POPDC1: variants seen among roughly 807,000 people sequenced by gnomAD.
POPDC1 encodes popeye domain cAMP effector 1.
chr6:105,129,450 T>C, the POPDC1 span: 27 of 1,612,904 alleles, frequency 1.7e-5, no homozygotes, highest in Admixed American at 5.0e-5. Context: ...TTCCAGATCA[T>C]TATATCCAAG....
chr6:105,101,697 C>T, the POPDC1 span, among the ~76,000 whole-genome samples: 2 of 152,162 alleles, frequency 1.3e-5, no homozygotes, highest in Admixed American at 1.3e-4. Context: ...GGAGTCCAGC[C>T]ACCCACTGGG....
At chr6:105,123,361 A>T in the POPDC1 span, among the ~76,000 whole-genome samples, 1 of 152,182 alleles carries the variant, frequency 6.6e-6, no homozygotes. Flanking sequence ...TACAGAAAGA[A>T]TCAGAACAGT....
chr6:105,124,662 A>G, the POPDC1 span: 1 of 1,547,896 alleles, frequency 6.5e-7, no homozygotes, highest in Non-Finnish European at 8.9e-7. Flanking sequence ...CATTCTGATA[A>G]CAGAAATTAA....
chr6:105,127,943 A>G, the POPDC1 span, among the ~76,000 whole-genome samples: 5 of 152,300 alleles, frequency 3.3e-5, no homozygotes, highest in East Asian at 1.9e-4. Flanking sequence ...ATTTTTTAGT[A>G]GAGACAGGGT....
chr6:105,131,365 C>T, the POPDC1 span, among the ~76,000 whole-genome samples: 5 of 151,964 alleles, frequency 3.3e-5, no homozygotes, highest in Non-Finnish European at 7.4e-5. Flanking sequence ...GAATTATAGT[C>T]CTGGTTTGGC....
At chr6:105,108,045 A>G in the POPDC1 span, among the ~76,000 whole-genome samples, 1 of 152,160 alleles carries the variant, frequency 6.6e-6, no homozygotes, top group South Asian at 2.1e-4. Context: ...GGTTCCTGTG[A>G]TGAGGTCTAC....
At chr6:105,131,053 T>C in the POPDC1 span, among the ~76,000 whole-genome samples, 3 of 152,192 alleles carry the variant, frequency 2.0e-5, no homozygotes, top group South Asian at 6.2e-4. Context: ...CCCCAGTTTC[T>C]TTTGATCAAT....
At chr6:105,106,439 C>G in the POPDC1 span, among the ~76,000 whole-genome samples, 1 of 152,184 alleles carries the variant, frequency 6.6e-6, no homozygotes, top group African/African-American at 2.4e-5. Flanking sequence ...AACTCCAAGT[C>G]AAGGACCCTG....
the POPDC1 span, chr6:105,136,650 G>C: frequency 6.6e-6 from 1 of 152,560 alleles, no homozygotes; most frequent in South Asian, 2.1e-4. Context: ...CGAGGGCCCG[G>C]GGACGCTGGG....
the POPDC1 span, among the ~76,000 whole-genome samples, chr6:105,120,805 T>C: frequency 4.6e-5 from 7 of 152,218 alleles, no homozygotes; most frequent in South Asian, 1.4e-3. Context: ...GCAATAGGAC[T>C]GGCTGACTGT....
At chr6:105,104,599 G>T in the POPDC1 span, among the ~76,000 whole-genome samples, 2 of 152,076 alleles carry the variant, frequency 1.3e-5, no homozygotes, top group Admixed American at 6.6e-5. Flanking sequence ...TCAAGCGCAG[G>T]CAGGCCTCAG....
the POPDC1 span, among the ~76,000 whole-genome samples, chr6:105,125,926 G>T: frequency 1.3e-5 from 2 of 151,890 alleles, no homozygotes; most frequent in African/African-American, 4.8e-5. Context: ...CAGGTGCGGT[G>T]GTCACGCCTG....
the POPDC1 span, among the ~76,000 whole-genome samples, chr6:105,124,149 G>A: frequency 2.6e-5 from 4 of 152,014 alleles, no homozygotes; most frequent in East Asian, 1.9e-4. Context: ...TTGGGAGGCC[G>A]AGGCAGGCAG....
the POPDC1 span, among the ~76,000 whole-genome samples, chr6:105,126,291 G>GA: frequency 1.3e-5 from 2 of 151,012 alleles, no homozygotes; most frequent in South Asian, 2.1e-4. Context: ...AAAAGAAAAA[G>GA]AAAAAAAATT....
chr6:105,108,361 T>C, the POPDC1 span, among the ~76,000 whole-genome samples: 1 of 151,612 alleles, frequency 6.6e-6, no homozygotes, highest in African/African-American at 2.4e-5. Context: ...GACACAGAAC[T>C]GGGAGAAAGG....
At chr6:105,130,950 T>G in the POPDC1 span, among the ~76,000 whole-genome samples, 1 of 152,232 alleles carries the variant, frequency 6.6e-6, no homozygotes, top group South Asian at 2.1e-4. Context: ...CCAAAATGTT[T>G]TAGCCATCTG....
At chr6:105,124,686 A>T in the POPDC1 span, 1 of 1,388,886 alleles carries the variant, frequency 7.2e-7, no homozygotes, top group East Asian at 2.3e-5. Context: ...TAATAAAAGC[A>T]ATATTTCACA....
At chr6:105,129,884 T>C in the POPDC1 span, among the ~76,000 whole-genome samples, 1 of 152,196 alleles carries the variant, frequency 6.6e-6, no homozygotes, top group African/African-American at 2.4e-5. Context: ...TTAATATTAT[T>C]GGACTGTTGT....
At chr6:105,135,257 A>C in the POPDC1 span, among the ~76,000 whole-genome samples, 1 of 152,076 alleles carries the variant, frequency 6.6e-6, no homozygotes, top group Non-Finnish European at 1.5e-5. Context: ...CGTCAACCTG[A>C]TAAACACTTT....
Sources: gnomAD v4.1 joint callset for allele counts (sites outside exome capture counted in the v4.1 genomes callset) on GRCh38, gnomAD v4.1.1 for gene constraint, MANE v1.5 for transcripts, NCBI Gene and HGNC (gene_info 2026-07-23, HGNC 2026-07-21) for gene names.